Variants in DICER1 observed in about 807,000 individuals in gnomAD.
The protein encoded by DICER1 is endoribonuclease Dicer.
DICER1 carries 43 observed loss-of-function variants against 194.1 expected under a neutral mutation model. The ratio of observed to expected loss-of-function variants is 0.22; its 90% CI spans 0.17 to 0.29. The LOEUF is 0.29. Ranked by LOEUF, DICER1 falls within the 10% of genes least tolerant of loss-of-function variation. DICER1 has a pLI of 1.00. For missense variants in DICER1, 1,608 were observed against 2,317.0 expected (o/e 0.69, Z 6.28); for synonymous variants, 832 against 820.5 (o/e 1.01, Z -0.24).
chr14:95,127,607 C>T (rs1256462844), intron 6 of DICER1, among the ~76,000 whole-genome samples: 2 of 152,180 alleles, frequency 1.3e-5, no homozygotes, highest in African/African-American at 2.4e-5. Context: ...ATTTTGGCTT[C>T]AGTTCATCAC....
In DICER1 at chr14:95,107,693, T is replaced by G. The variant is rs1178414622; in HGVS notation, c.2719A>C (p.Ile907Leu). 1 of 1,613,746 alleles carries G rather than the reference T, an allele frequency of 6.2e-7. No homozygotes were observed. The highest frequency in any genetic ancestry group is 1.7e-5 in the Admixed American group (1 of 60,024). ...GTATACTTTGTACTGGGAATGCCTA[T>G]GCGAGCTTCAGACTTCTCAATATCT... ...MEDIEKSEAR[I>L]GIPSTKYTKE... The change falls in exon 17 of 27, where the codon ATA becomes CTA. Residue 907 changes from isoleucine (I) to leucine (L), a missense_variant. By Grantham distance (5) the Ile-to-Leu change is conservative (BLOSUM62 2). This residue lies in a region of DICER1 where 150 missense variants were observed against 216.0 expected (regional missense o/e 0.69). Transcript: ENST00000343455.
At position 95,124,446 on chromosome 14, in the gene DICER1, T is replaced by C; in HGVS notation, c.1126A>G (p.Lys376Glu). The C allele has an allele frequency of 6.2e-7, 1 of 1,614,170 alleles. No homozygotes were observed. Among genetic ancestry groups the C allele is most frequent in the Non-Finnish European group, 8.5e-7 (1 of 1,180,016 alleles). The part of the protein sequence containing the change: ...ASLDLKFVTP[K>E]VIKLLEILRK... ...AAGATTTCGAGCAGTTTGATTACTT[T>C]AGGAGTTACAAATTTCAGGTCAAGT... The change falls in exon 8 of 27, where the codon AAA becomes GAA. Residue 376 changes from lysine (K) to glutamate (E), a missense_variant. Transcript: ENST00000343455. This position sits in a 1 kb window ranked among gnomAD's most constrained non-coding sequence, Gnocchi z 4.5.
intron 5 of DICER1, 128 bp downstream of exon 5, chr14:95,129,930 C>A: frequency 1.3e-6 from 1 of 783,816 alleles, no homozygotes; most frequent in Non-Finnish European, 2.1e-6. Context: ...AATATTCATT[C>A]ATTCATACAC....
intron 1 of DICER1, among the ~76,000 whole-genome samples, chr14:95,150,726 G>T (rs1263390482): frequency 6.6e-6 from 1 of 152,154 alleles, no homozygotes; most frequent in Admixed American, 6.5e-5. Flanking sequence ...ATGAAAACTA[G>T]TATTTTTATT....
chr14:95,155,420 G>A (rs974109541), intron 1 of DICER1, among the ~76,000 whole-genome samples: 1 of 152,158 alleles, frequency 6.6e-6, no homozygotes, highest in Admixed American at 6.5e-5. Context: ...ACCCTCTCTA[G>A]AAGATAGCAC....
chr14:95,090,449 C>T lies in DICER1; in HGVS notation c.*49G>A, dbSNP rs751956931. ...TCCTTTCCGATTTAAATAATTTTCC[C>T]CTTAATTTTTTTTGTTTTGTTTCTT... is the stretch of plus-strand genomic sequence containing the variant. On this transcript the variant is annotated 3_prime_UTR_variant, in exon 27 of 27. Coordinates refer to ENST00000343455, the MANE Select transcript of DICER1 (RefSeq NM_177438.3). The T allele has an allele frequency of 1.1e-5, 17 of 1,595,546 alleles. No individual in the cohort carries two copies. In the East Asian group the frequency reaches 3.1e-4, roughly 29 times the overall value.
chr14:95,142,368 G>A (rs1444823008), intron 1 of DICER1, among the ~76,000 whole-genome samples: 1 of 152,086 alleles, frequency 6.6e-6, no homozygotes, highest in African/African-American at 2.4e-5. Flanking sequence ...GGCTACCTCA[G>A]ACTTCATTTA....
chr14:95,145,763 TTTAA>T (rs1475632357), intron 1 of DICER1, among the ~76,000 whole-genome samples: 2 of 152,204 alleles, frequency 1.3e-5, no homozygotes, highest in Admixed American at 6.5e-5. Flanking sequence ...TATTTTTACT[TTTAA>T]TTGTCATTTG....
chr14:95,098,448 A>G (rs772314546), intron 22 of DICER1, among the ~76,000 whole-genome samples: 1 of 152,236 alleles, frequency 6.6e-6, no homozygotes, highest in Non-Finnish European at 1.5e-5. Flanking sequence ...TTTCAATAAA[A>G]GTAACTTACT....
At position 95,086,270 on chromosome 14, in the gene DICER1, T is replaced by C; in HGVS notation, c.*4228A>G. On this transcript the variant is annotated 3_prime_UTR_variant, in exon 27 of 27. Coordinates refer to ENST00000343455, the MANE Select transcript of DICER1 (RefSeq NM_177438.3). ...TATTGGAGATTTACTTGGCTACAATTATTACAAAAAAAACAACTAAAGGTA... is the reference window on the plus strand; with the variant it reads ...TATTGGAGATTTACTTGGCTACAATCATTACAAAAAAAACAACTAAAGGTA... The C allele has an allele frequency of 4.3e-6, 1 of 232,682 alleles. No individual in the cohort carries two copies. Among genetic ancestry groups the C allele is most frequent in the Non-Finnish European group, 8.5e-6 (1 of 117,744 alleles). 14.4% of individuals were successfully genotyped at this position (232,682 alleles called of 1,614,324 possible). A position where few individuals can be genotyped will look rare whatever the true frequency, so the allele number is the denominator to read the frequency against.
In DICER1 at chr14:95,124,677, A is replaced by C; in HGVS notation, c.904-9T>G. 6.3e-7 allele frequency: 1 copy of C among 1,599,736 alleles called. No individual in the cohort carries two copies. The highest frequency in any genetic ancestry group is 8.6e-7 in the Non-Finnish European group (1 of 1,167,956). ...CGACAGTCTGATAGTATCTACAAAA[A>C]AAAGAAAAGAAAAAACCTAATGCCA... On this transcript the variant is annotated splice_polypyrimidine_tract_variant and intron_variant, in intron 7 of 26. Coordinates refer to ENST00000343455, the MANE Select transcript of DICER1 (RefSeq NM_177438.3). The surrounding 1 kb of genome is among the most constrained non-coding windows in gnomAD (Gnocchi z 4.5).
chr14:95,133,229 T>G, intron 2 of DICER1, 86 bp downstream of exon 2: 2 of 1,436,894 alleles, frequency 1.4e-6, no homozygotes, highest in Non-Finnish European at 9.8e-7. Flanking sequence ...AAAGGGTAAA[T>G]GAGTTTTATA....
At position 95,131,181 on chromosome 14, in the gene DICER1, C is replaced by T. The variant is rs561373171; in HGVS notation, c.438+328G>A. On this transcript the variant is annotated intron_variant, in intron 4 of 26. Coordinates refer to ENST00000343455, the MANE Select transcript of DICER1 (RefSeq NM_177438.3). ...AGTACCTAGGACTACTACGCCACCA[C>T]GCCCGGCTAATTTTTTTATTGTTAG... Among the ~76,000 whole-genome samples, 176 of 152,204 alleles carry T rather than the reference C, an allele frequency of 1.2e-3. 1 individual carries two copies. Among genetic ancestry groups the T allele is most frequent in the Non-Finnish European group, 2.1e-3 (145 of 68,014 alleles).
In DICER1 at chr14:95,105,552, T is replaced by G; in HGVS notation, c.3093+126A>C. Reference sequence around the variant, plus strand: ...AACAAAACAAAACAAAATTTGAGGATTAGGTAACTTCTAAAAAATTAACGA... The same window carrying G: ...AACAAAACAAAACAAAATTTGAGGAGTAGGTAACTTCTAAAAAATTAACGA... On this transcript the variant is annotated intron_variant, in intron 19 of 26. Transcript: ENST00000343455. This position sits in a 1 kb window ranked among gnomAD's most constrained non-coding sequence, Gnocchi z 4.9. 1 of 799,408 alleles carries G rather than the reference T, an allele frequency of 1.3e-6. No homozygotes were observed. Among genetic ancestry groups the G allele is most frequent in the East Asian group, 2.7e-5 (1 of 37,390 alleles). The allele number at this position is 799,408 out of a possible 1,614,324, so 49.5% of individuals were successfully genotyped here. A position where few individuals can be genotyped will look rare whatever the true frequency, so the allele number is the denominator to read the frequency against.
Position 95,103,912 on chromosome 14 carries a change from C to A in DICER1, c.3484G>T (p.Gly1162Cys). 2 of 1,614,076 alleles carry A rather than the reference C, an allele frequency of 1.2e-6. No homozygotes were observed. The highest frequency in any genetic ancestry group is 1.7e-6 in the Non-Finnish European group (2 of 1,180,000). The change falls in exon 21 of 27, where the codon GGT (glycine) becomes TGT (cysteine). Residue 1162 changes from glycine (G) to cysteine (C), a missense_variant. Physicochemically the swap from Gly to Cys is radical, Grantham distance 159. Around this residue, in one of 10 missense-constraint regions of DICER1, gnomAD observed 222 missense variants for 215.5 expected, o/e 1.03. Coordinates refer to ENST00000343455, the MANE Select transcript of DICER1 (RefSeq NM_177438.3). ...GCTGAAACTTCAACGTGGAGCTTAC[C>A]AGGGGACTCGCTGAGCAACGTTCTG... is the stretch of plus-strand genomic sequence containing the variant. The part of the protein sequence containing the change: ...NCRTLLSESP[G>C]KLHVEVSADL...
At chr14:95,101,287 G>A (rs940834674) in intron 21 of DICER1, among the ~76,000 whole-genome samples, 6 of 152,164 alleles carry the variant, frequency 3.9e-5, no homozygotes, top group Non-Finnish European at 5.9e-5. Context: ...GCAGGCTGAG[G>A]GAGTGATCAT....
chr14:95,115,134 CA>C (rs1461132327), intron 11 of DICER1, among the ~76,000 whole-genome samples: 5 of 152,032 alleles, frequency 3.3e-5, no homozygotes, highest in African/African-American at 1.2e-4. Context: ...GAAATTGTTT[CA>C]AAATAAAAGG....
rs145757043 is a variant in DICER1, at chr14:95,087,854, G to C, written c.*2644C>G. ...CTGGTAGGTTTTCCATATTACATTC[G>C]GTCTCACATTGCAATCACAGGAACA... On this transcript the variant is annotated 3_prime_UTR_variant, in exon 27 of 27. Coordinates refer to ENST00000343455, the MANE Select transcript of DICER1 (RefSeq NM_177438.3). 6.7e-4 allele frequency: 157 copies of C among 232,982 alleles called. No individual in the cohort carries two copies. Among genetic ancestry groups the C allele is most frequent in the African/African-American group, 3.4e-3 (152 of 45,358 alleles). 14.4% of individuals were successfully genotyped at this position (232,982 alleles called of 1,614,324 possible).
At chr14:95,147,497 T>C (rs1895213978) in intron 1 of DICER1, among the ~76,000 whole-genome samples, 1 of 152,120 alleles carries the variant, frequency 6.6e-6, no homozygotes, top group Admixed American at 6.5e-5. Context: ...AGGCACAAAA[T>C]GTGGTAACAT....
Sources: gnomAD v4.1 joint callset for allele counts (sites outside exome capture counted in the v4.1 genomes callset) on GRCh38, gnomAD v4.1.1 for gene constraint, gnomAD v4.1.1 regional missense constraint, Gnocchi (gnomAD v3.1) non-coding constraint, MANE v1.5 for transcripts, NCBI Gene and HGNC (gene_info 2026-07-23, HGNC 2026-07-21) for gene names.